SARAF: variants seen among roughly 807,000 people sequenced by gnomAD.
SARAF encodes the protein store-operated calcium entry-associated regulatory factor.
SARAF carries 23 observed loss-of-function variants against 39.7 expected under a neutral mutation model. The observed-to-expected ratio is 0.58, with a 90% CI of 0.42 to 0.82. SARAF has a LOEUF of 0.82. Ranked by LOEUF, SARAF falls within the 40% of genes least tolerant of loss-of-function variation. The probability of loss-of-function intolerance (pLI) is 0.00; values close to 1 mark genes in which losing one functional copy is unlikely to be tolerated. For missense variants in SARAF, 384 were observed against 418.5 expected (o/e 0.92, Z 0.72); for synonymous variants, 175 against 168.5 (o/e 1.04, Z -0.30).
At chr8:30,078,253 G>A (rs1453245640) in intron 1 of SARAF, 1 of 451,736 alleles carries the variant, frequency 2.2e-6, no homozygotes, top group Non-Finnish European at 4.4e-6. Context: ...TCCAACAAGG[G>A]CTTCTGAAAG....
chr8:30,070,679 G>C (rs1033390489), intron 2 of SARAF, among the ~76,000 whole-genome samples: 5 of 152,156 alleles, frequency 3.3e-5, no homozygotes, highest in Non-Finnish European at 7.4e-5. Context: ...TAAGCAAACT[G>C]CCAAAATGTC....
chr8:30,072,503 G>A (rs968964892), intron 2 of SARAF, among the ~76,000 whole-genome samples: 1 of 152,184 alleles, frequency 6.6e-6, no homozygotes, highest in African/African-American at 2.4e-5. Flanking sequence ...TTTGGAGGAA[G>A]ATTCATAGGT....
rs538073485 is a variant in SARAF, at chr8:30,070,938, C to T, written c.283-879G>A. Among the ~76,000 whole-genome samples, 21 of 152,228 alleles carry T rather than the reference C, an allele frequency of 1.4e-4. No homozygotes were observed. The South Asian group carries it at 1.7e-3, about 12-fold the overall frequency. ...GATATTTAGAAAAATGCAAAAAGAA[C>T]CCAGGCTAGCCCCAAAAATGTCCAC... On this transcript the variant is annotated intron_variant, in intron 2 of 5. Coordinates refer to ENST00000256255, the MANE Select transcript of SARAF (RefSeq NM_016127.6).
At chr8:30,078,400 C>A in intron 1 of SARAF, 2 of 246,838 alleles carry the variant, frequency 8.1e-6, no homozygotes, top group Admixed American at 5.5e-5. Context: ...CAAAGGCACA[C>A]GAAAAGTAAA....
chr8:30,068,590 C>T (rs1357953016), intron 3 of SARAF, among the ~76,000 whole-genome samples: 1 of 147,412 alleles, frequency 6.8e-6, no homozygotes, highest in Non-Finnish European at 1.5e-5. Flanking sequence ...CCCCCTAGTC[C>T]GTGGAAAAAT....
Position 30,082,891 on chromosome 8 carries a change from A to C in SARAF, c.59T>G (p.Leu20Trp), listed in dbSNP as rs1035340375. The change falls in exon 1 of 6, where the codon TTG (leucine) becomes TGG (tryptophan). Residue 20 changes from leucine to tryptophan, a missense_variant. Transcript: ENST00000256255. ...AGYCLLLGLH[L>W]FLLTAGPALG... is the part of the protein sequence containing the mutation. ...GGCAGGGCCCGCGGTCAGCAGAAACAAATGCAAGCCGAGGAGCAAGCAGTA... is the reference window on the plus strand; with the variant it reads ...GGCAGGGCCCGCGGTCAGCAGAAACCAATGCAAGCCGAGGAGCAAGCAGTA... 1 of 1,562,748 alleles carries C rather than the reference A, an allele frequency of 6.4e-7. No individual in the cohort carries two copies. The highest frequency in any genetic ancestry group is 1.2e-5 in the South Asian group (1 of 84,936).
chr8:30,082,123 G>C (rs1802114361), intron 1 of SARAF: 1 of 152,070 alleles, frequency 6.6e-6, no homozygotes, highest in Non-Finnish European at 1.5e-5. Flanking sequence ...TGGATCACGA[G>C]GTCAGGAGGT....
chr8:30,071,093 C>T (rs950363359), intron 2 of SARAF, among the ~76,000 whole-genome samples: 5 of 152,196 alleles, frequency 3.3e-5, no homozygotes, highest in Non-Finnish European at 7.3e-5. Context: ...GTAATCCCAG[C>T]ACTTTGGGAG....
Position 30,073,926 on chromosome 8 carries a change from G to C in SARAF, c.233C>G (p.Pro78Arg), listed in dbSNP as rs1166655783. 1 of 1,613,962 alleles carries C rather than the reference G, an allele frequency of 6.2e-7. No individual in the cohort carries two copies. Among genetic ancestry groups the C allele is most frequent in the Non-Finnish European group, 8.5e-7 (1 of 1,180,032 alleles). Residue 78 changes from proline (P) to arginine (R), a missense_variant, in exon 2 of 6, where the codon CCA (proline) becomes CGA (arginine). Coordinates refer to ENST00000256255, the MANE Select transcript of SARAF (RefSeq NM_016127.6). ...GGTAGCDSYTPKVIQCQNKGW... is the reference protein window; with the variant it reads ...GGTAGCDSYTRKVIQCQNKGW... ...TTTGTTCTGACACTGTATGACTTTT[G>C]GGGTATAAGAATCACAACCAGCTGT...
intron 1 of SARAF, chr8:30,082,098 G>A (rs1802113887): frequency 6.6e-6 from 1 of 152,200 alleles, no homozygotes; most frequent in Non-Finnish European, 1.5e-5. Flanking sequence ...AGCACTTTGG[G>A]AGGATGAAGG....
At chr8:30,077,187 G>A (rs890399214) in intron 1 of SARAF, among the ~76,000 whole-genome samples, 6 of 152,224 alleles carry the variant, frequency 3.9e-5, no homozygotes, top group African/African-American at 1.4e-4. Flanking sequence ...CAGGTGCAGT[G>A]GCTCATGCCT....
At chr8:30,073,321 GC>G (rs1386061292) in intron 2 of SARAF, among the ~76,000 whole-genome samples, 1 of 152,128 alleles carries the variant, frequency 6.6e-6, no homozygotes, top group African/African-American at 2.4e-5. Context: ...TATCTCTAAA[GC>G]ATATTCAGTT....
rs1419544539 is a variant in SARAF at position 30,074,260 on chromosome 8, G to GC, written c.104-206dup. On this transcript the variant is annotated intron_variant, in intron 1 of 5. Coordinates refer to ENST00000256255, the MANE Select transcript of SARAF (RefSeq NM_016127.6). Reference sequence around the variant, plus strand: ...CAGGTCACACTTTTAAGATCTCCCTGCATTTCAGGCCAGATGCTTCTACAG... The same window carrying GC: ...CAGGTCACACTTTTAAGATCTCCCTGCCATTTCAGGCCAGATGCTTCTACAG... 3.0e-4 allele frequency among the ~76,000 whole-genome samples: 45 copies of GC among 152,304 alleles called. No homozygotes were observed. The South Asian group carries it at 9.3e-3, about 32-fold the overall frequency.
chr8:30,072,744 T>C (rs1040785775), intron 2 of SARAF, among the ~76,000 whole-genome samples: 1 of 152,208 alleles, frequency 6.6e-6, no homozygotes, highest in Non-Finnish European at 1.5e-5. Flanking sequence ...TTCCCTTCTC[T>C]AGCCTTTCCT....
intron 1 of SARAF, among the ~76,000 whole-genome samples, chr8:30,078,494 T>C (rs1802025370): frequency 6.6e-6 from 1 of 151,996 alleles, no homozygotes; most frequent in Admixed American, 6.6e-5. Context: ...AAGATAAGAC[T>C]TAGAAAAGCT....
At position 30,063,701 on chromosome 8, in the gene SARAF, G is replaced by C. The variant is rs113069310; in HGVS notation, c.*187C>G. 2.3e-5 allele frequency: 14 copies of C among 614,704 alleles called. No homozygotes were observed. The Admixed American group carries it at 2.3e-4, about 10-fold the overall frequency. The allele number at this position is 614,704 out of a possible 1,614,324, so 38.1% of individuals were successfully genotyped here. A position where few individuals can be genotyped will look rare whatever the true frequency, so the allele number is the denominator to read the frequency against. ...TGTTACACTGACATACAACACATAA[G>C]TATTTTGTCACACATCAACTTTTAG... On this transcript the variant is annotated 3_prime_UTR_variant, in exon 6 of 6. Transcript: ENST00000256255.
At chr8:30,070,927 T>C (rs1443615137) in intron 2 of SARAF, among the ~76,000 whole-genome samples, 1 of 152,108 alleles carries the variant, frequency 6.6e-6, no homozygotes, top group Non-Finnish European at 1.5e-5. Context: ...TTTAGAAAAA[T>C]GCAAAAAGAA....
At chr8:30,064,302 G>A (rs371019310) in intron 5 of SARAF, among the ~76,000 whole-genome samples, 9 of 151,806 alleles carry the variant, frequency 5.9e-5, no homozygotes, top group South Asian at 2.1e-4. Flanking sequence ...GGAGGGTTAC[G>A]GACTTTAGAT....
Position 30,063,781 on chromosome 8 carries a change from G to A in SARAF, c.*107C>T. On this transcript the variant is annotated 3_prime_UTR_variant, in exon 6 of 6. Transcript: ENST00000256255. ...CTGGACATAACACCACAGAACTTTT[G>A]AATATCCCCTTTTCCCAATTGTTAA... is the stretch of plus-strand genomic sequence containing the variant. 1.0e-6 allele frequency: 1 copy of A among 976,238 alleles called. No individual in the cohort carries two copies. The highest frequency in any genetic ancestry group is 1.6e-5 in the African/African-American group (1 of 61,872). The allele number at this position is 976,238 out of a possible 1,614,324, so 60.5% of individuals were successfully genotyped here.
Sources: gnomAD v4.1 joint callset for allele counts (sites outside exome capture counted in the v4.1 genomes callset) on GRCh38, gnomAD v4.1.1 for gene constraint, MANE v1.5 for transcripts, NCBI Gene and HGNC (gene_info 2026-07-23, HGNC 2026-07-21) for gene names.